RAP1GDS1: variants seen among roughly 807,000 people sequenced by gnomAD.
RAP1GDS1 encodes RAP1, GTP-GDP dissociation stimulator 1.
In RAP1GDS1, 35 loss-of-function variants were observed where a neutral mutation model predicts 71.1. That is an observed-to-expected ratio of 0.49 (90% confidence interval 0.38 to 0.65). RAP1GDS1 has a LOEUF of 0.65. Ranked by LOEUF, RAP1GDS1 falls within the 30% of genes least tolerant of loss-of-function variation. The probability of loss-of-function intolerance (pLI) is 0.00; values close to 1 mark genes in which losing one functional copy is unlikely to be tolerated. For synonymous variants in RAP1GDS1, 229 were observed against 243.1 expected, an observed-to-expected ratio of 0.94 and a Z score of 0.54; for missense variants, 663 against 706.1, an observed-to-expected ratio of 0.94 and a Z score of 0.69.
Position 98,443,015 on chromosome 4 carries a change from A to ATTTTTTTTTCTTTTTTTTTTTTTT in RAP1GDS1, c.*907_*908insCTTTTTTTTTTTTTTTTTTTTTTT, listed in dbSNP as rs543199019. ...TGAGTATAGTTCATTGAAGAATGGA[A>ATTTTTTTTTCTTTTTTTTTTTTTT]TTTTTTTTTTTTTTTTTTTTTTTGC... On this transcript the variant is annotated 3_prime_UTR_variant, in exon 15 of 15. Coordinates refer to ENST00000408927, the MANE Select transcript of RAP1GDS1 (RefSeq NM_001100427.2). The ATTTTTTTTTCTTTTTTTTTTTTTT allele has an allele frequency of 2.2e-3, 299 of 138,224 alleles. 4 individuals carry two copies. Among genetic ancestry groups the ATTTTTTTTTCTTTTTTTTTTTTTT allele is most frequent in the Admixed American group, 3.2e-3 (33 of 10,410 alleles). 8.6% of individuals were successfully genotyped at this position (138,224 alleles called of 1,614,324 possible).
At chr4:98,358,698 G>T (rs767818194) in intron 4 of RAP1GDS1, among the ~76,000 whole-genome samples, 2 of 151,992 alleles carry the variant, frequency 1.3e-5, no homozygotes, top group Non-Finnish European at 2.9e-5. Context: ...ACACAAATCT[G>T]TACATATGTT....
intron 12 of RAP1GDS1, among the ~76,000 whole-genome samples, chr4:98,425,886 T>C (rs1201827560): frequency 1.3e-5 from 2 of 152,098 alleles, no homozygotes; most frequent in Non-Finnish European, 2.9e-5. Context: ...TAACAGATAT[T>C]TACAGAACAT....
intron 1 of RAP1GDS1, among the ~76,000 whole-genome samples, chr4:98,287,716 C>G (rs1318757191): frequency 6.6e-6 from 1 of 152,084 alleles, no homozygotes; most frequent in Non-Finnish European, 1.5e-5. Flanking sequence ...TTCTAATTAT[C>G]CAAGTACTGC....
At chr4:98,337,427 A>T (rs1193954435) in intron 2 of RAP1GDS1, among the ~76,000 whole-genome samples, 1 of 152,218 alleles carries the variant, frequency 6.6e-6, no homozygotes, top group South Asian at 2.1e-4. Context: ...TGACAGTTGT[A>T]GTAGGAAGAG....
chr4:98,436,948 G>T lies in RAP1GDS1; in HGVS notation c.1576G>T (p.Glu526Ter). 1 of 1,604,536 alleles carries T rather than the reference G, an allele frequency of 6.2e-7. No individual in the cohort carries two copies. ...LIAALELGTA[E>*]KDLESAKLVQ... Reference sequence around the variant, plus strand: ...CTTTGTTTTATTTGTAGGCACTGCTGAGAAAGATCTAGAAAGTGCTAAACT... The same window carrying T: ...CTTTGTTTTATTTGTAGGCACTGCTTAGAAAGATCTAGAAAGTGCTAAACT... The change falls in exon 14 of 15, where the codon GAG becomes TAG. Residue 526 changes from glutamate to a stop codon, truncating the protein, a stop_gained. Coordinates refer to ENST00000408927, the MANE Select transcript of RAP1GDS1 (RefSeq NM_001100427.2). LOFTEE classifies it high-confidence loss of function.
chr4:98,312,140 G>A (rs745917392), intron 2 of RAP1GDS1, among the ~76,000 whole-genome samples: 2 of 152,100 alleles, frequency 1.3e-5, no homozygotes, highest in Non-Finnish European at 2.9e-5. Flanking sequence ...TTGTAGACCT[G>A]TTTAGCTCAC....
chr4:98,398,637 A>G lies in RAP1GDS1; in HGVS notation c.638-5840A>G, dbSNP rs1239083502. Among the ~76,000 whole-genome samples, 3 of 152,300 alleles carry G rather than the reference A, an allele frequency of 2.0e-5. No individual in the cohort carries two copies. The South Asian group carries it at 6.2e-4, about 32-fold the overall frequency. On this transcript the variant is annotated intron_variant, in intron 6 of 14. Coordinates refer to ENST00000408927, the MANE Select transcript of RAP1GDS1 (RefSeq NM_001100427.2). ...TAAAGGGTGTCAAAGTTGGAAAGGA[A>G]AAAGTCAAATTGTGCCTGCAAACAT...
At chr4:98,411,208 T>C (rs1162945529) in intron 7 of RAP1GDS1, among the ~76,000 whole-genome samples, 1 of 152,270 alleles carries the variant, frequency 6.6e-6, no homozygotes, top group African/African-American at 2.4e-5. Context: ...GCTGTCTGCT[T>C]TGGCAGAATG....
Position 98,443,015 on chromosome 4 carries a change from A to ATTTTT in RAP1GDS1, c.*917_*921dup, listed in dbSNP as rs397994660. 485 of 138,210 alleles carry ATTTTT rather than the reference A, an allele frequency of 3.5e-3. 6 individuals are homozygous for ATTTTT. The highest frequency in any genetic ancestry group is 0.018 in the African/African-American group (451 of 25,268). The allele number at this position is 138,210 out of a possible 1,614,324, so 8.6% of individuals were successfully genotyped here. On this transcript the variant is annotated 3_prime_UTR_variant, in exon 15 of 15. Transcript: ENST00000408927. ...TGAGTATAGTTCATTGAAGAATGGA[A>ATTTTT]TTTTTTTTTTTTTTTTTTTTTTTGC... is the stretch of plus-strand genomic sequence containing the variant.
intron 5 of RAP1GDS1, among the ~76,000 whole-genome samples, chr4:98,386,977 A>G (rs999872634): frequency 6.6e-6 from 1 of 152,128 alleles, no homozygotes; most frequent in Non-Finnish European, 1.5e-5. Flanking sequence ...AGTCTTTATT[A>G]TGCCCAAATG....
At chr4:98,348,710 A>T (rs1460753020) in intron 3 of RAP1GDS1, among the ~76,000 whole-genome samples, 1 of 152,140 alleles carries the variant, frequency 6.6e-6, no homozygotes, top group African/African-American at 2.4e-5. Flanking sequence ...CATTTATCTG[A>T]TGGCCAGTGA....
chr4:98,379,388 A>G (rs1309728061), intron 5 of RAP1GDS1: 2 of 412,246 alleles, frequency 4.9e-6, no homozygotes, highest in Non-Finnish European at 8.4e-6. Context: ...GATCAGTATC[A>G]AAAACAAAAA....
At chr4:98,430,402 A>G (rs1036883941) in intron 12 of RAP1GDS1, among the ~76,000 whole-genome samples, 1 of 152,192 alleles carries the variant, frequency 6.6e-6, no homozygotes, top group Admixed American at 6.5e-5. Context: ...CATGAGTTCT[A>G]TGTCAGAGCT....
Position 98,442,134 on chromosome 4 carries a change from G to A in RAP1GDS1, c.*17G>A, listed in dbSNP as rs115060652. 5.8e-4 allele frequency: 926 copies of A among 1,609,394 alleles called. 2 individuals carry two copies. The African/African-American group carries it at 0.011, about 19-fold the overall frequency. ...GAAAGCTGAGAACTGCCCGATACAC[G>A]GCATCATCCCATCTCTAATTTCCCC... On this transcript the variant is annotated 3_prime_UTR_variant, in exon 15 of 15. Transcript: ENST00000408927.
intron 14 of RAP1GDS1, 199 bp from the exon 15 acceptor site, chr4:98,441,791 A>C (rs187334437): frequency 1.7e-6 from 1 of 578,654 alleles, no homozygotes; most frequent in Non-Finnish European, 2.2e-6. Context: ...TTAATTTAAA[A>C]AAAAGTAAAG....
intron 12 of RAP1GDS1, among the ~76,000 whole-genome samples, chr4:98,424,036 A>G: frequency 6.6e-6 from 1 of 152,192 alleles, no homozygotes; most frequent in Admixed American, 6.5e-5. Context: ...GCGAGGATGG[A>G]AAAGAAGAGA....
chr4:98,334,778 G>T (rs539695404), intron 2 of RAP1GDS1, among the ~76,000 whole-genome samples: 34 of 151,050 alleles, frequency 2.3e-4, no homozygotes, highest in Non-Finnish European at 4.7e-4. Flanking sequence ...GTCGTTAGTT[G>T]TCATCGAGCT....
intron 5 of RAP1GDS1, among the ~76,000 whole-genome samples, chr4:98,385,174 A>G (rs966494970): frequency 1.3e-5 from 2 of 151,810 alleles, no homozygotes; most frequent in African/African-American, 4.8e-5. Flanking sequence ...TTTTAATATA[A>G]TAATATGCAT....
At position 98,394,951 on chromosome 4, in the gene RAP1GDS1, C is replaced by T. The variant is rs368668732; in HGVS notation, c.637+2871C>T. ...TTATCACCACTTATTGTATTACACA[C>T]CTGAAACTAAACAATACTTATTATC... On this transcript the variant is annotated intron_variant, in intron 6 of 14. Transcript: ENST00000408927. Among the ~76,000 whole-genome samples the T allele has an allele frequency of 1.3e-4, 20 of 152,066 alleles. 4 individuals carry two copies. Among genetic ancestry groups the T allele is most frequent in the Admixed American group, 9.2e-4 (14 of 15,248 alleles).
Sources: gnomAD v4.1 joint callset for allele counts (sites outside exome capture counted in the v4.1 genomes callset) on GRCh38, gnomAD v4.1.1 for gene constraint, MANE v1.5 for transcripts, NCBI Gene and HGNC (gene_info 2026-07-23, HGNC 2026-07-21) for gene names.